ARNT2: variants seen among roughly 807,000 people sequenced by gnomAD.
The protein encoded by ARNT2 is ARNT protein 2.
Under a neutral mutation model 91.7 loss-of-function variants are expected in ARNT2, and 36 were observed. The observed-to-expected ratio is 0.39, with a 90% CI of 0.30 to 0.52. The LOEUF (loss-of-function observed/expected upper bound fraction) is 0.52, where lower values mean the gene tolerates loss of function less well. Ranked by LOEUF, ARNT2 falls within the 20% of genes least tolerant of loss-of-function variation. The probability of loss-of-function intolerance (pLI) is 0.72; values close to 1 mark genes in which losing one functional copy is unlikely to be tolerated. For synonymous variants in ARNT2, 365 were observed against 347.1 expected (o/e 1.05, Z -0.57); for missense variants, 775 against 939.3 (o/e 0.83, Z 2.29).
At chr15:80,589,657 C>T (rs1367465658) in intron 17 of ARNT2, among the ~76,000 whole-genome samples, 2 of 152,188 alleles carry the variant, frequency 1.3e-5, no homozygotes, top group East Asian at 3.9e-4. Flanking sequence ...GGACAGGTGC[C>T]TGTCAGGTGG....
chr15:80,509,569 C>T (rs1422095578), intron 6 of ARNT2, among the ~76,000 whole-genome samples: 4 of 152,056 alleles, frequency 2.6e-5, no homozygotes, highest in Non-Finnish European at 5.9e-5. Flanking sequence ...TATGGAACAT[C>T]AGATGGTGGT....
At chr15:80,424,460 C>T (rs1198736834) in intron 1 of ARNT2, among the ~76,000 whole-genome samples, 1 of 152,230 alleles carries the variant, frequency 6.6e-6, no homozygotes, top group Non-Finnish European at 1.5e-5. Flanking sequence ...GGCTGGCCCA[C>T]TTTGGCAGGA....
At chr15:80,423,614 A>G (rs1332041198) in intron 1 of ARNT2, among the ~76,000 whole-genome samples, 1 of 152,166 alleles carries the variant, frequency 6.6e-6, no homozygotes, top group East Asian at 1.9e-4. Context: ...AAAAGATATG[A>G]TGAATTTGAT....
At chr15:80,417,721 G>T (rs1443213788) in intron 1 of ARNT2, among the ~76,000 whole-genome samples, 1 of 151,536 alleles carries the variant, frequency 6.6e-6, no homozygotes, top group Non-Finnish European at 1.5e-5. Context: ...GAAATGTTTG[G>T]TCTACCCAGT....
chr15:80,568,597 T>C (rs1428742325), intron 12 of ARNT2, among the ~76,000 whole-genome samples: 1 of 152,126 alleles, frequency 6.6e-6, no homozygotes, highest in Non-Finnish European at 1.5e-5. Context: ...TGGGTACAAA[T>C]GAAGTCAAAG....
rs1172778552 is a variant in ARNT2 at position 80,597,255 on chromosome 15, G to C, written c.*3557G>C. The C allele has an allele frequency of 1.9e-6, 1 of 518,454 alleles. No homozygotes were observed. The highest frequency in any genetic ancestry group is 1.9e-5 in the Admixed American group (1 of 51,508). The allele number at this position is 518,454 out of a possible 1,614,324, so 32.1% of individuals were successfully genotyped here. On this transcript the variant is annotated 3_prime_UTR_variant, in exon 19 of 19. Transcript: ENST00000303329. Reference sequence around the variant, plus strand: ...TTTAGGCAGCCCATAAGCTATGCGAGAATGTGAACGCTCACCTTGCTCCGT... The same window carrying C: ...TTTAGGCAGCCCATAAGCTATGCGACAATGTGAACGCTCACCTTGCTCCGT...
In ARNT2 at chr15:80,591,852, GC is replaced by G; in HGVS notation, c.2055+152del. 3 of 1,306,776 alleles carry G rather than the reference GC, an allele frequency of 2.3e-6. No individual in the cohort carries two copies. Among genetic ancestry groups the G allele is most frequent in the Admixed American group, 2.7e-5 (1 of 37,698 alleles). The allele number at this position is 1,306,776 out of a possible 1,614,324, so 80.9% of individuals were successfully genotyped here. On this transcript the variant is annotated intron_variant, in intron 18 of 18. Coordinates refer to ENST00000303329, the MANE Select transcript of ARNT2 (RefSeq NM_014862.4). The surrounding 1 kb of genome is among the most constrained non-coding windows in gnomAD (Gnocchi z 5.1). ...GCTCGAGGGAGTCCAGGAGTAGAAA[GC>G]CCCATCCTACCCAGCCAGAAACGTC... is the stretch of plus-strand genomic sequence containing the variant.
At chr15:80,555,304 A>T in intron 11 of ARNT2, 165 bp downstream of exon 11, 1 of 626,692 alleles carries the variant, frequency 1.6e-6, no homozygotes, top group Non-Finnish European at 2.8e-6. Context: ...AGTAGGGAAG[A>T]CAGACACACA....
At chr15:80,575,274 CCTGGCCTTGCCT>C (rs1288330485) in intron 14 of ARNT2, among the ~76,000 whole-genome samples, 164 bp downstream of exon 14, 2 of 152,192 alleles carry the variant, frequency 1.3e-5, no homozygotes, top group Non-Finnish European at 2.9e-5. Context: ...TCTGTCTACT[CCTGGCCTTGCCT>C]CTGTATACCA....
intron 2 of ARNT2, 103 bp downstream of exon 2, chr15:80,451,097 C>T (rs1896382390): frequency 1.7e-6 from 2 of 1,153,270 alleles, no homozygotes; most frequent in African/African-American, 1.5e-5. Flanking sequence ...AGAATAAAAG[C>T]TCAGCAGTTT....
chr15:80,454,127 G>A (rs1896446381), intron 2 of ARNT2, among the ~76,000 whole-genome samples: 1 of 152,248 alleles, frequency 6.6e-6, no homozygotes, highest in African/African-American at 2.4e-5. Flanking sequence ...TCAAGGTGGA[G>A]GTTCCAAAGT....
chr15:80,441,951 C>T (rs753112121), intron 1 of ARNT2, among the ~76,000 whole-genome samples: 12 of 152,220 alleles, frequency 7.9e-5, no homozygotes, highest in Non-Finnish European at 1.0e-4. Context: ...GAAACAATTT[C>T]CTGAGGGGAT....
chr15:80,547,033 A>G (rs1898001849), intron 8 of ARNT2, among the ~76,000 whole-genome samples: 1 of 152,158 alleles, frequency 6.6e-6, no homozygotes, highest in Non-Finnish European at 1.5e-5. Context: ...AAAATGATAT[A>G]AAAAGAGACA....
intron 4 of ARNT2, among the ~76,000 whole-genome samples, chr15:80,473,294 A>G (rs1400603727): frequency 1.3e-5 from 2 of 152,122 alleles, no homozygotes; most frequent in East Asian, 1.9e-4. Context: ...GTAGTGATAG[A>G]TGGTCTCCCA....
rs924207557 is a variant in ARNT2 at position 80,427,133 on chromosome 15, C to T, written c.31+22587C>T. ...CAAAATTCTTTCTGTTGGATGATAT[C>T]GTAGTGACCCGTGTTTGGGGCAATA... On this transcript the variant is annotated intron_variant, in intron 1 of 18. Coordinates refer to ENST00000303329, the MANE Select transcript of ARNT2 (RefSeq NM_014862.4). Among the ~76,000 whole-genome samples, 3 of 152,080 alleles carry T rather than the reference C, an allele frequency of 2.0e-5. No homozygotes were observed. In the East Asian group the frequency reaches 5.8e-4, roughly 29 times the overall value.
At chr15:80,507,313 C>G (rs183359447) in intron 5 of ARNT2, among the ~76,000 whole-genome samples, 1 of 152,098 alleles carries the variant, frequency 6.6e-6, no homozygotes, top group African/African-American at 2.4e-5. Flanking sequence ...GAGGTAAGAG[C>G]AAGGTGGGGG....
In ARNT2 at chr15:80,431,591, C is replaced by T. The variant is rs192301180; in HGVS notation, c.32-19289C>T. Among the ~76,000 whole-genome samples the T allele has an allele frequency of 3.9e-5, 6 of 152,296 alleles. No homozygotes were observed. In the East Asian group the frequency reaches 7.8e-4, roughly 20 times the overall value. ...GAGTGGGCCGGAAGATAGTCTGAAG[C>T]GGCTGGAATAGGGGTCCTTACAGAC... On this transcript the variant is annotated intron_variant, in intron 1 of 18. Coordinates refer to ENST00000303329, the MANE Select transcript of ARNT2 (RefSeq NM_014862.4).
chr15:80,503,492 G>GT (rs1400680532), intron 5 of ARNT2, among the ~76,000 whole-genome samples: 1 of 152,168 alleles, frequency 6.6e-6, no homozygotes, highest in South Asian at 2.1e-4. Context: ...ATGGAAGTGT[G>GT]TTTTTTCATT....
chr15:80,460,499 G>T (rs1028085846), intron 3 of ARNT2, among the ~76,000 whole-genome samples: 2 of 152,142 alleles, frequency 1.3e-5, no homozygotes, highest in Non-Finnish European at 1.5e-5. Context: ...CCAGGATCCC[G>T]CCTGCCAGTG....
Sources: gnomAD v4.1 joint callset for allele counts (sites outside exome capture counted in the v4.1 genomes callset) on GRCh38, gnomAD v4.1.1 for gene constraint, Gnocchi (gnomAD v3.1) non-coding constraint, MANE v1.5 for transcripts, NCBI Gene and HGNC (gene_info 2026-07-23, HGNC 2026-07-21) for gene names.